PDE3B: variants seen among roughly 807,000 people sequenced by gnomAD.
The protein encoded by PDE3B is cGMP-inhibited 3',5'-cyclic phosphodiesterase 3B.
In PDE3B, 66 loss-of-function variants were observed where a neutral mutation model predicts 116.8. That is an observed-to-expected ratio of 0.56 (90% confidence interval 0.46 to 0.69). The LOEUF (loss-of-function observed/expected upper bound fraction) is 0.69, where lower values mean the gene tolerates loss of function less well. Ranked by LOEUF, PDE3B falls within the 30% of genes least tolerant of loss-of-function variation. The pLI, the probability that PDE3B is intolerant of heterozygous loss-of-function variation, is 0.00. For synonymous variants in PDE3B, 595 were observed against 533.6 expected (o/e 1.12, Z -1.59); for missense variants, 1,384 against 1,368.1 (o/e 1.01, Z -0.18).
intron 7 of PDE3B, among the ~76,000 whole-genome samples, chr11:14,820,482 G>C (rs1859482194): frequency 6.6e-6 from 1 of 152,112 alleles, no homozygotes; most frequent in Admixed American, 6.6e-5. Context: ...AGGCATGAAG[G>C]AACATTTTGG....
At chr11:14,845,516 A>C (rs1164381862) in intron 12 of PDE3B, among the ~76,000 whole-genome samples, 2 of 152,228 alleles carry the variant, frequency 1.3e-5, no homozygotes, top group Admixed American at 6.5e-5. Context: ...TGAGAGAAGA[A>C]GGCTTCAGAC....
chr11:14,647,723 C>A (rs1853450194), intron 1 of PDE3B, among the ~76,000 whole-genome samples: 2 of 151,906 alleles, frequency 1.3e-5, no homozygotes, highest in Middle Eastern at 3.4e-3. Flanking sequence ...TTTTTATTAA[C>A]CTCTTTGAAA....
At chr11:14,766,094 G>T (rs1015816689) in intron 1 of PDE3B, among the ~76,000 whole-genome samples, 9 of 151,458 alleles carry the variant, frequency 5.9e-5, no homozygotes, top group African/African-American at 2.2e-4. Context: ...TAAGGTAAAT[G>T]TATAAAAAAG....
At chr11:14,829,878 C>A (rs760838562) in intron 7 of PDE3B, among the ~76,000 whole-genome samples, 3 of 152,054 alleles carry the variant, frequency 2.0e-5, no homozygotes, top group Non-Finnish European at 4.4e-5. Context: ...CAAAATATTA[C>A]CCACACCTCA....
intron 1 of PDE3B, among the ~76,000 whole-genome samples, chr11:14,656,156 G>A (rs774590627): frequency 3.3e-5 from 5 of 152,136 alleles, no homozygotes; most frequent in South Asian, 2.1e-4. Flanking sequence ...TAAAGTCTTA[G>A]TGACTGAAAG....
intron 1 of PDE3B, among the ~76,000 whole-genome samples, chr11:14,684,457 T>G (rs1211596430): frequency 6.6e-6 from 1 of 152,188 alleles, no homozygotes; most frequent in Non-Finnish European, 1.5e-5. Flanking sequence ...ATCACATGCT[T>G]CTGAGGAAAC....
chr11:14,847,024 C>A (rs1006983050), intron 12 of PDE3B, among the ~76,000 whole-genome samples: 1 of 152,180 alleles, frequency 6.6e-6, no homozygotes, highest in African/African-American at 2.4e-5. Context: ...CACCCCAAAT[C>A]AACAGAATAT....
At chr11:14,790,244 A>G (rs1456288359) in intron 4 of PDE3B, among the ~76,000 whole-genome samples, 1 of 151,980 alleles carries the variant, frequency 6.6e-6, no homozygotes, top group East Asian at 1.9e-4. Flanking sequence ...AGTGATGTCT[A>G]AAACAGGAAT....
chr11:14,664,011 T>G (rs1362617692), intron 1 of PDE3B, among the ~76,000 whole-genome samples: 1 of 152,244 alleles, frequency 6.6e-6, no homozygotes, highest in East Asian at 1.9e-4. Context: ...ACCACATAGT[T>G]GGAAGTAAAG....
In PDE3B at chr11:14,769,567, C is replaced by T. The variant is rs192504272; in HGVS notation, c.979-2370C>T. On this transcript the variant is annotated intron_variant, in intron 1 of 15. Transcript: ENST00000282096. ...CTACTTTTTATCAGTGTTTCTCCAC[C>T]GTATTTTGATTACAACTCCGAATCC... Among the ~76,000 whole-genome samples, 715 of 147,430 alleles carry T rather than the reference C, an allele frequency of 4.8e-3. 6 individuals are homozygous for T. Among genetic ancestry groups the T allele is most frequent in the African/African-American group, 0.016 (662 of 40,420 alleles).
chr11:14,863,021 G>A (rs1847979003), intron 14 of PDE3B, among the ~76,000 whole-genome samples: 1 of 152,024 alleles, frequency 6.6e-6, no homozygotes, highest in South Asian at 2.1e-4. Context: ...TTCTCCTAAT[G>A]CTATCCCTCC....
Position 14,869,808 on chromosome 11 carries a change from C to G in PDE3B, c.*148C>G. The G allele has an allele frequency of 4.8e-6, 3 of 622,582 alleles. No homozygotes were observed. The highest frequency in any genetic ancestry group is 2.8e-5 in the East Asian group (1 of 35,592). 38.6% of individuals were successfully genotyped at this position (622,582 alleles called of 1,614,324 possible). A position where few individuals can be genotyped will look rare whatever the true frequency, so the allele number is the denominator to read the frequency against. On this transcript the variant is annotated 3_prime_UTR_variant, in exon 16 of 16. Transcript: ENST00000282096. ...TTAATACTGTGAGAGGATCCTTGCT[C>G]TGCTGGCAGTTTCCCACTCCTATGC... is the stretch of plus-strand genomic sequence containing the variant.
At chr11:14,708,624 G>A (rs145821705) in intron 1 of PDE3B, among the ~76,000 whole-genome samples, 6 of 152,112 alleles carry the variant, frequency 3.9e-5, no homozygotes, top group African/African-American at 1.4e-4. Flanking sequence ...TCTGATGCAG[G>A]TATTTAGTGA....
At chr11:14,687,843 A>C (rs1357426833) in intron 1 of PDE3B, among the ~76,000 whole-genome samples, 1 of 152,182 alleles carries the variant, frequency 6.6e-6, no homozygotes, top group East Asian at 1.9e-4. Flanking sequence ...ATAATTCAAG[A>C]GGTGAAATGG....
the PDE3B span, among the ~76,000 whole-genome samples, chr11:14,893,718 C>T: frequency 6.6e-6 from 1 of 152,178 alleles, no homozygotes; most frequent in Admixed American, 6.5e-5. Context: ...CCTTCTTCCA[C>T]TTATAAGGAT....
At position 14,834,944 on chromosome 11, in the gene PDE3B, G is replaced by A. The variant is rs1860008028; in HGVS notation, c.2207-38G>A. On this transcript the variant is annotated intron_variant, in intron 10 of 15. Coordinates refer to ENST00000282096, the MANE Select transcript of PDE3B (RefSeq NM_000922.4). ...AATTATTGTACTTTTTAAATGTTGTGTGTTAAACCTAACAGAAAAACGTTT... is the reference window on the plus strand; with the variant it reads ...AATTATTGTACTTTTTAAATGTTGTATGTTAAACCTAACAGAAAAACGTTT... The A allele has an allele frequency of 2.7e-6, 3 of 1,103,212 alleles. No individual in the cohort carries two copies. The Admixed American group carries it at 5.7e-5, about 21-fold the overall frequency. The allele number at this position is 1,103,212 out of a possible 1,614,324, so 68.3% of individuals were successfully genotyped here.
chr11:14,892,066 G>T, the PDE3B span: 2 of 1,611,988 alleles, frequency 1.2e-6, no homozygotes, highest in South Asian at 1.1e-5. Context: ...GCCGATAAAT[G>T]GCAGCCCCGG....
rs147703124 is a variant in PDE3B, at chr11:14,684,972, A to G, written c.978+39919A>G. On this transcript the variant is annotated intron_variant, in intron 1 of 15. Transcript: ENST00000282096. ...TTCAAACACACATGTTTTATAATCA[A>G]TTTGTACAGTTAACACAATAGTGGT... Among the ~76,000 whole-genome samples, 1,091 of 152,260 alleles carry G rather than the reference A, an allele frequency of 7.2e-3. 9 individuals carry two copies. Among genetic ancestry groups the G allele is most frequent in the Middle Eastern group, 0.02 (6 of 294 alleles).
At chr11:14,779,247 G>C (rs1352414576) in intron 2 of PDE3B, among the ~76,000 whole-genome samples, 2 of 152,166 alleles carry the variant, frequency 1.3e-5, no homozygotes, top group Non-Finnish European at 2.9e-5. Flanking sequence ...ACACTCTTCA[G>C]GATATTATCC....
Sources: gnomAD v4.1 joint callset for allele counts (sites outside exome capture counted in the v4.1 genomes callset) on GRCh38, gnomAD v4.1.1 for gene constraint, MANE v1.5 for transcripts, NCBI Gene and HGNC (gene_info 2026-07-23, HGNC 2026-07-21) for gene names.